Variants in SERINC3 observed in about 807,000 individuals in gnomAD.
SERINC3 encodes the protein tumor differentially expressed protein 1.
In SERINC3, 22 loss-of-function variants were observed where a neutral mutation model predicts 52.1. That is an observed-to-expected ratio of 0.42 (90% CI 0.30 to 0.60). The LOEUF (loss-of-function observed/expected upper bound fraction) is 0.60. Among genes scored for constraint, SERINC3 ranks in the 20% least tolerant of loss-of-function variants. The pLI, the probability that SERINC3 is intolerant of heterozygous loss-of-function variation, is 0.16. For missense variants in SERINC3, 564 were observed against 584.6 expected, an observed-to-expected ratio of 0.96 and a Z score of 0.36; for synonymous variants, 226 against 212.7, an observed-to-expected ratio of 1.06 and a Z score of -0.54.
At chr20:44,520,501 G>C (rs1292034494) in intron 1 of SERINC3, among the ~76,000 whole-genome samples, 2 of 152,182 alleles carry the variant, frequency 1.3e-5, no homozygotes, top group African/African-American at 2.4e-5. Context: ...AATTAATACA[G>C]AAACAGAAAA....
chr20:44,519,493 A>C, intron 1 of SERINC3: 1 of 374,436 alleles, frequency 2.7e-6, no homozygotes, highest in Non-Finnish European at 3.7e-6. Context: ...TGGGTGCATC[A>C]GATCACAGAT....
intron 5 of SERINC3, among the ~76,000 whole-genome samples, chr20:44,508,583 T>C (rs2064329037): frequency 6.6e-6 from 1 of 152,152 alleles, no homozygotes; most frequent in Non-Finnish European, 1.5e-5. Context: ...TTAAATAAAT[T>C]ATGGTATACT....
intron 9 of SERINC3, among the ~76,000 whole-genome samples, chr20:44,500,768 G>A (rs1018801966): frequency 2.0e-5 from 3 of 152,064 alleles, no homozygotes; most frequent in East Asian, 1.9e-4. Flanking sequence ...ACATTATTAC[G>A]GGAACCAGAA....
At chr20:44,510,541 T>C (rs1311376994) in intron 4 of SERINC3, among the ~76,000 whole-genome samples, 1 of 152,136 alleles carries the variant, frequency 6.6e-6, no homozygotes, top group African/African-American at 2.4e-5. Flanking sequence ...CAGCCGGGCG[T>C]GGTGGCTCAC....
intron 3 of SERINC3, among the ~76,000 whole-genome samples, chr20:44,511,800 G>C (rs1042896683): frequency 1.3e-5 from 2 of 152,196 alleles, no homozygotes; most frequent in Non-Finnish European, 2.9e-5. Flanking sequence ...ACTGGCACCT[G>C]ATTTTCAGTT....
intron 6 of SERINC3, among the ~76,000 whole-genome samples, chr20:44,505,636 T>A (rs1018425424): frequency 1.3e-5 from 2 of 151,734 alleles, no homozygotes; most frequent in Admixed American, 1.3e-4. Flanking sequence ...TTCGCTCTTA[T>A]TGCCCAGGCT....
intron 1 of SERINC3, among the ~76,000 whole-genome samples, 197 bp from the exon 2 acceptor site, chr20:44,514,237 T>G (rs1227707416): frequency 1.3e-5 from 2 of 152,226 alleles, no homozygotes; most frequent in African/African-American, 4.8e-5. Flanking sequence ...GCAAGTTACG[T>G]ACTCTAACCC....
chr20:44,507,025 C>G, intron 5 of SERINC3, 29 bp from the exon 6 acceptor site: 1 of 1,519,074 alleles, frequency 6.6e-7, no homozygotes, highest in Non-Finnish European at 8.8e-7. Context: ...ATATGAATGA[C>G]CACAACTATA....
intron 1 of SERINC3, among the ~76,000 whole-genome samples, chr20:44,520,418 T>C (rs1048969407): frequency 6.6e-6 from 1 of 152,030 alleles, no homozygotes; most frequent in African/African-American, 2.4e-5. Flanking sequence ...ATATTAATAG[T>C]AGCCATAAAA....
rs572388056 is a variant in SERINC3, at chr20:44,498,799, G to A, written c.*1497C>T. 6.6e-6 allele frequency: 1 copy of A among 152,120 alleles called. No individual in the cohort carries two copies. Among genetic ancestry groups the A allele is most frequent in the African/African-American group, 2.4e-5 (1 of 41,486 alleles). The allele number at this position is 152,120 out of a possible 1,614,324, so 9.4% of individuals were successfully genotyped here. On this transcript the variant is annotated 3_prime_UTR_variant, in exon 10 of 10. Transcript: ENST00000342374. Reference sequence around the variant, plus strand: ...ATGTTTTCAGCCACCCTCAACATAAGGTCCAAACTCTTTACTGAGGTTGAT... The same window carrying A: ...ATGTTTTCAGCCACCCTCAACATAAAGTCCAAACTCTTTACTGAGGTTGAT...
At position 44,506,924 on chromosome 20, in the gene SERINC3, G is replaced by A. The variant is rs768256372; in HGVS notation, c.686C>T (p.Thr229Ile). ...ICVGLLYTYYTKPDGCTENKF... is the reference protein window; with the variant it reads ...ICVGLLYTYYIKPDGCTENKF... ...GTTTTCTGTGCAGCCATCTGGTTTG[G>A]TGTAATATGTATAGAGCAGCCCGAC... The change falls in exon 6 of 10, where the codon ACC becomes ATC. Residue 229 changes from threonine to isoleucine, a missense_variant. Coordinates refer to ENST00000342374, the MANE Select transcript of SERINC3 (RefSeq NM_006811.4). 3 of 1,613,514 alleles carry A rather than the reference G, an allele frequency of 1.9e-6. No individual in the cohort carries two copies. Among genetic ancestry groups the A allele is most frequent in the Non-Finnish European group, 2.5e-6 (3 of 1,179,760 alleles).
rs1056759063 is a variant in SERINC3, at chr20:44,513,800, A to G, written c.201+79T>C. The G allele has an allele frequency of 3.2e-4, 410 of 1,273,978 alleles. 1 individual carries two copies. Among genetic ancestry groups the G allele is most frequent in the South Asian group, 4.7e-4 (28 of 58,956 alleles). The allele number at this position is 1,273,978 out of a possible 1,614,324, so 78.9% of individuals were successfully genotyped here. A position where few individuals can be genotyped will look rare whatever the true frequency, so the allele number is the denominator to read the frequency against. ...CCAAATTACAACCAACTTGATTAACAACGACGAAATAAAACTAGAATTTTG... is the reference window on the plus strand; with the variant it reads ...CCAAATTACAACCAACTTGATTAACGACGACGAAATAAAACTAGAATTTTG... On this transcript the variant is annotated intron_variant, in intron 2 of 9. Transcript: ENST00000342374.
intron 1 of SERINC3, among the ~76,000 whole-genome samples, chr20:44,516,875 A>C (rs1474245574): frequency 6.6e-6 from 1 of 152,170 alleles, no homozygotes; most frequent in East Asian, 1.9e-4. Context: ...TTGAGTCATT[A>C]TGCTTGATTA....
intron 9 of SERINC3, 85 bp from the exon 10 acceptor site, chr20:44,500,519 G>A: frequency 2.7e-6 from 4 of 1,484,440 alleles, no homozygotes; most frequent in Non-Finnish European, 3.7e-6. Context: ...CCAAGGCCAA[G>A]AAATTCTCCA....
In SERINC3 at chr20:44,511,357, A is replaced by C. The variant is rs2064346627; in HGVS notation, c.407T>G (p.Phe136Cys). ...GATTCCAATAAGGGCAGCAATTTTG[A>C]AGAACCAAAACCTATTAAAATATAA... is the stretch of plus-strand genomic sequence containing the variant. ...RAAVHNGFWF[F>C]KIAALIGIMV... The change falls in exon 4 of 10, where the codon TTC becomes TGC. Residue 136 changes from phenylalanine to cysteine, a missense_variant. Coordinates refer to ENST00000342374, the MANE Select transcript of SERINC3 (RefSeq NM_006811.4). The C allele has an allele frequency of 3.1e-6, 5 of 1,610,126 alleles. No homozygotes were observed. Among genetic ancestry groups the C allele is most frequent in the Non-Finnish European group, 4.3e-6 (5 of 1,176,448 alleles).
intron 8 of SERINC3, among the ~76,000 whole-genome samples, chr20:44,502,824 T>C (rs1387652445): frequency 6.6e-6 from 1 of 152,036 alleles, no homozygotes; most frequent in Non-Finnish European, 1.5e-5. Flanking sequence ...CTCAAACTCC[T>C]GGATGCAAGC....
At chr20:44,513,822 T>G in intron 2 of SERINC3, 57 bp downstream of exon 2, 1 of 1,405,372 alleles carries the variant, frequency 7.1e-7, no homozygotes, top group Middle Eastern at 1.9e-4. Context: ...AAACTAGAAT[T>G]TTGCAGAATA....
intron 7 of SERINC3, among the ~76,000 whole-genome samples, chr20:44,504,259 C>A (rs1263957053): frequency 2.0e-5 from 3 of 152,092 alleles, no homozygotes; most frequent in Non-Finnish European, 2.9e-5. Flanking sequence ...TTTGACAAAT[C>A]TTTTTAATTC....
At position 44,522,006 on chromosome 20, in the gene SERINC3, T is replaced by C; in HGVS notation, c.-55A>G. 1.3e-6 allele frequency: 2 copies of C among 1,546,258 alleles called. No individual in the cohort carries two copies. The highest frequency in any genetic ancestry group is 1.8e-6 in the Non-Finnish European group (2 of 1,137,208). ...CTGAGGCTGCTTTCTAACACGGTGGTAACTGCCAGCTGAGGTGACTCCCCA... is the reference window on the plus strand; with the variant it reads ...CTGAGGCTGCTTTCTAACACGGTGGCAACTGCCAGCTGAGGTGACTCCCCA... On this transcript the variant is annotated 5_prime_UTR_variant, in exon 1 of 10. Coordinates refer to ENST00000342374, the MANE Select transcript of SERINC3 (RefSeq NM_006811.4).
Sources: gnomAD v4.1 joint callset for allele counts (sites outside exome capture counted in the v4.1 genomes callset) on GRCh38, gnomAD v4.1.1 for gene constraint, MANE v1.5 for transcripts, NCBI Gene and HGNC (gene_info 2026-07-23, HGNC 2026-07-21) for gene names.